Variants in MICAL3 observed in about 807,000 individuals in gnomAD.
MICAL3 encodes microtubule associated monooxygenase, calponin and LIM domain containing 3.
In MICAL3, 62 loss-of-function variants were observed where a neutral mutation model predicts 207.4. That is an observed-to-expected ratio of 0.30 (90% CI 0.24 to 0.37). The LOEUF (loss-of-function observed/expected upper bound fraction) is 0.37. Among genes scored for constraint, MICAL3 ranks in the 10% least tolerant of loss-of-function variants. The pLI is 1.00. For missense variants in MICAL3, 2,368 were observed against 2,635.6 expected (o/e 0.90, Z 2.22); for synonymous variants, 1,077 against 1,069.3 (o/e 1.01, Z -0.14).
intron 19 of MICAL3, among the ~76,000 whole-genome samples, chr22:17,847,647 C>T (rs1054120739): frequency 6.6e-6 from 1 of 152,134 alleles, no homozygotes; most frequent in Non-Finnish European, 1.5e-5. Flanking sequence ...GTCACCTTCC[C>T]GCAAGAATGG....
At chr22:17,981,784 T>C (rs1935919153) in intron 1 of MICAL3, among the ~76,000 whole-genome samples, 1 of 152,210 alleles carries the variant, frequency 6.6e-6, no homozygotes, top group South Asian at 2.1e-4. Flanking sequence ...TTGCCTTTAT[T>C]ATAATTCATT....
intron 1 of MICAL3, among the ~76,000 whole-genome samples, chr22:17,984,382 G>A (rs1936059780): frequency 6.6e-6 from 1 of 152,232 alleles, no homozygotes; most frequent in Admixed American, 6.5e-5. Flanking sequence ...GAACGCCTCT[G>A]CGAGGAAGGC....
chr22:17,838,955 C>CTTT lies in MICAL3; in HGVS notation c.2801+2864_2801+2866dup, dbSNP rs869097812. ...CATTTATAGCTCCTTCCCCTAGATG[C>CTTT]TTTTTTTTTTTTTTTTTTTTTTTTG... On this transcript the variant is annotated intron_variant, in intron 20 of 31. Coordinates refer to ENST00000441493, the MANE Select transcript of MICAL3 (RefSeq NM_015241.3). 6.1e-3 allele frequency among the ~76,000 whole-genome samples: 542 copies of CTTT among 88,386 alleles called. 15 individuals carry two copies. Among genetic ancestry groups the CTTT allele is most frequent in the African/African-American group, 0.014 (271 of 19,984 alleles). 58.0% of individuals were successfully genotyped at this position (88,386 alleles called of 152,430 possible).
rs1317090322 is a variant in MICAL3 at position 17,895,392 on chromosome 22, C to T, written c.1341G>A (p.Leu447=). 1 of 1,613,706 alleles carries T rather than the reference C, an allele frequency of 6.2e-7. No individual in the cohort carries two copies. Among genetic ancestry groups the T allele is most frequent in the South Asian group, 1.1e-5 (1 of 90,998 alleles). ...VLAERESIYR[L]LPQTTPENVS... is the part of the protein sequence containing the mutation. ...CATTCTCAGGGGTGGTCTGAGGCAG[C>T]AACCTGTAAATACTTTCCCTGCAAT... is the stretch of plus-strand genomic sequence containing the variant. The change falls in exon 10 of 32, where the codon TTG becomes TTA. Residue 447 remains leucine, a synonymous_variant. Transcript: ENST00000441493.
At chr22:17,860,937 A>C in intron 19 of MICAL3, 1 of 984,656 alleles carries the variant, frequency 1.0e-6, no homozygotes, top group Non-Finnish European at 1.2e-6. Context: ...ACTATAATTT[A>C]GGGTGCAACA....
At position 17,906,759 on chromosome 22, in the gene MICAL3, C is replaced by A. The variant is rs750182545; in HGVS notation, c.54G>T (p.Arg18=). ...TMNPAHVLFD[R]FVQATTCKGT... The stretch of plus-strand genomic sequence containing the variant: ...CCTTGCAGGTGGTGGCCTGGACAAA[C>A]CGGTCAAAGAGGACATGAGCTGGGT... The change falls in exon 2 of 32, where the codon CGG becomes CGT. Residue 18 remains arginine, a synonymous_variant. Transcript: ENST00000441493. 3 of 1,613,584 alleles carry A rather than the reference C, an allele frequency of 1.9e-6. No homozygotes were observed. The highest frequency in any genetic ancestry group is 1.7e-5 in the Admixed American group (1 of 59,970).
chr22:18,006,908 G>A (rs1923424158), intron 1 of MICAL3, among the ~76,000 whole-genome samples: 1 of 152,210 alleles, frequency 6.6e-6, no homozygotes, highest in Non-Finnish European at 1.5e-5. Context: ...CCGGACTGGA[G>A]TGCAGTGGTG....
At chr22:17,819,211 A>G in intron 25 of MICAL3, 82 bp from the exon 26 acceptor site, 1 of 1,356,542 alleles carries the variant, frequency 7.4e-7, no homozygotes, top group Non-Finnish European at 9.6e-7. Flanking sequence ...TTCTCACTCA[A>G]AGTGCCTGCA....
intron 19 of MICAL3, among the ~76,000 whole-genome samples, chr22:17,849,544 A>C (rs1180465265): frequency 6.6e-6 from 1 of 151,146 alleles, no homozygotes; most frequent in Non-Finnish European, 1.5e-5. Context: ...TATGTTGCCC[A>C]GGCTGGTCTC....
intron 1 of MICAL3, among the ~76,000 whole-genome samples, chr22:17,997,601 A>G (rs544783414): frequency 6.6e-6 from 1 of 152,202 alleles, no homozygotes; most frequent in East Asian, 1.9e-4. Flanking sequence ...CCCATTAGTC[A>G]TCCCTAAGGC....
rs745939602 is a variant in MICAL3, at chr22:17,817,700, G to T, written c.4961C>A (p.Thr1654Asn). 3 of 1,600,660 alleles carry T rather than the reference G, an allele frequency of 1.9e-6. No homozygotes were observed. The highest frequency in any genetic ancestry group is 2.6e-6 in the Non-Finnish European group (3 of 1,174,784). ...ERRPDSPTRPTLRGSEEPTLK... is the reference protein window; with the variant it reads ...ERRPDSPTRPNLRGSEEPTLK... The stretch of plus-strand genomic sequence containing the variant: ...GGTGGGCTCCTCGGAGCCCCTGAGA[G>T]TGGGGCGTGTGGGGGAGTCAGGCCG... The change falls in exon 26 of 32, where the codon ACT becomes AAT. Residue 1654 changes from threonine to asparagine, a missense_variant. This residue lies in a region of MICAL3 where 1,770 missense variants were observed against 1,863.2 expected (regional missense o/e 0.95). Transcript: ENST00000441493.
At chr22:17,872,713 G>C (rs753505067) in intron 16 of MICAL3, 3 of 1,306,290 alleles carry the variant, frequency 2.3e-6, no homozygotes, top group Non-Finnish European at 2.2e-6. Flanking sequence ...GCTGTGCTGG[G>C]TCTAGCTACA....
chr22:17,884,602 C>T (rs886472912), intron 16 of MICAL3, among the ~76,000 whole-genome samples: 7 of 152,206 alleles, frequency 4.6e-5, no homozygotes, highest in Non-Finnish European at 1.0e-4. Context: ...TAATACGCAT[C>T]ATCTCTTTTC....
intron 21 of MICAL3, among the ~76,000 whole-genome samples, chr22:17,828,045 G>A (rs1230265234): frequency 6.6e-6 from 1 of 152,164 alleles, no homozygotes; most frequent in Non-Finnish European, 1.5e-5. Context: ...ATTCAATTCA[G>A]TGAAGAGAAT....
chr22:17,852,149 G>A (rs747816403), intron 19 of MICAL3, among the ~76,000 whole-genome samples: 3 of 152,118 alleles, frequency 2.0e-5, no homozygotes, highest in Non-Finnish European at 4.4e-5. Context: ...ACAAACCCAC[G>A]TTCCAACAAA....
intron 1 of MICAL3, among the ~76,000 whole-genome samples, chr22:18,003,777 T>A (rs1923196583): frequency 6.7e-6 from 1 of 148,194 alleles, no homozygotes; most frequent in Non-Finnish European, 1.5e-5. Flanking sequence ...CTTTCTTTAT[T>A]TTTTTTTTTT....
intron 16 of MICAL3, chr22:17,879,382 A>G: frequency 6.2e-7 from 1 of 1,612,700 alleles, no homozygotes; most frequent in Non-Finnish European, 8.5e-7. Flanking sequence ...CACGGTTGTC[A>G]GCATCAAGAT....
intron 19 of MICAL3, chr22:17,861,539 T>G (rs1926516778): frequency 2.0e-6 from 2 of 985,328 alleles, no homozygotes; most frequent in Admixed American, 1.2e-4. Context: ...AGGATTCCTC[T>G]GGACAAAAAC....
intron 22 of MICAL3, among the ~76,000 whole-genome samples, chr22:17,824,931 C>CT (rs1922015588): frequency 6.6e-6 from 1 of 152,248 alleles, no homozygotes; most frequent in South Asian, 2.1e-4. Context: ...ACAAACGCCC[C>CT]GTTTGGAACA....
Sources: allele counts gnomAD v4.1 joint callset (sites outside exome capture counted in the v4.1 genomes callset), GRCh38; gene constraint gnomAD v4.1.1; regional missense constraint gnomAD v4.1.1; transcripts MANE v1.5; gene names NCBI Gene and HGNC (gene_info 2026-07-23, HGNC 2026-07-21).